COL22A1: variants seen among roughly 807,000 people sequenced by gnomAD.
The protein encoded by COL22A1 is collagen alpha-1(XXII) chain.
Under a neutral mutation model 248.9 loss-of-function variants are expected in COL22A1, and 221 were observed. The ratio of observed to expected loss-of-function variants is 0.89; its 90% CI spans 0.80 to 0.99. The LOEUF (loss-of-function observed/expected upper bound fraction) is 0.99. COL22A1 is among the 50% of genes least tolerant of loss of function. The pLI, the probability that COL22A1 is intolerant of heterozygous loss-of-function variation, is 0.00. For synonymous variants in COL22A1, 891 were observed against 793.4 expected (o/e 1.12, Z -2.07); for missense variants, 2,240 against 2,179.0 (o/e 1.03, Z -0.56).
intron 12 of COL22A1, among the ~76,000 whole-genome samples, chr8:138,785,476 C>T (rs753988626): frequency 6.6e-5 from 10 of 152,326 alleles, no homozygotes; most frequent in Admixed American, 2.6e-4. Context: ...TGAGGGCATG[C>T]GCTAGATAGT....
intron 22 of COL22A1, among the ~76,000 whole-genome samples, chr8:138,750,509 A>C (rs114139056): frequency 1.3e-3 from 196 of 152,254 alleles, no homozygotes; most frequent in African/African-American, 4.6e-3. Context: ...GACGAAGTCA[A>C]TCCACAGCAA....
chr8:138,623,262 ATGTGTGTGTGTGTGTGTGTGTG>A (rs5895542), intron 52 of COL22A1, among the ~76,000 whole-genome samples: 11 of 143,494 alleles, frequency 7.7e-5, no homozygotes, highest in Admixed American at 2.1e-4. Context: ...ATATATATTT[ATGTGTGTGTGTGTGTGTGTGTG>A]TGTGTGTGTG....
intron 17 of COL22A1, among the ~76,000 whole-genome samples, chr8:138,760,621 G>A (rs1017969560): frequency 6.6e-6 from 1 of 152,146 alleles, no homozygotes; most frequent in Admixed American, 6.5e-5. Context: ...ACCTGCCCCG[G>A]CCCAGGGAGC....
chr8:138,590,498 A>G (rs1374129226), intron 64 of COL22A1, among the ~76,000 whole-genome samples: 1 of 152,152 alleles, frequency 6.6e-6, no homozygotes, highest in African/African-American at 2.4e-5. Context: ...TATTCTTAAT[A>G]TTGTAAGCTA....
At chr8:138,681,240 T>C (rs138901268) in intron 39 of COL22A1, among the ~76,000 whole-genome samples, 221 of 152,328 alleles carry the variant, frequency 1.5e-3, no homozygotes, top group East Asian at 3.7e-3. Context: ...ACCGGCACTA[T>C]GCTAGGCAAC....
At chr8:138,761,044 T>C (rs1222160100) in intron 17 of COL22A1, among the ~76,000 whole-genome samples, 1 of 152,134 alleles carries the variant, frequency 6.6e-6, no homozygotes, top group African/African-American at 2.4e-5. Context: ...TAGACATGCG[T>C]TCAAGGATGC....
chr8:138,851,303 T>G (rs2131902285), intron 3 of COL22A1, among the ~76,000 whole-genome samples: 1 of 152,146 alleles, frequency 6.6e-6, no homozygotes, highest in African/African-American at 2.4e-5. Flanking sequence ...TCGCTTATCA[T>G]GAGGGTGAGG....
intron 4 of COL22A1, among the ~76,000 whole-genome samples, chr8:138,837,579 G>C (rs1166420266): frequency 6.6e-6 from 1 of 152,144 alleles, no homozygotes; most frequent in Non-Finnish European, 1.5e-5. Flanking sequence ...GCAGCTGTTG[G>C]AACTGACTGG....
chr8:138,602,008 G>T lies in COL22A1; in HGVS notation c.4185+107C>A, dbSNP rs1818058420. 70 of 1,132,730 alleles carry T rather than the reference G, an allele frequency of 6.2e-5. 1 individual carries two copies. In the South Asian group the frequency reaches 8.7e-4, roughly 14 times the overall value. The allele number at this position is 1,132,730 out of a possible 1,614,324, so 70.2% of individuals were successfully genotyped here. ...AAATCACTACAGGCGGCATGATCCAGGCGGGTGTTTACTAACTGCCTTGGA... is the reference window on the plus strand; with the variant it reads ...AAATCACTACAGGCGGCATGATCCATGCGGGTGTTTACTAACTGCCTTGGA... On this transcript the variant is annotated intron_variant, in intron 60 of 64. Coordinates refer to ENST00000303045, the MANE Select transcript of COL22A1 (RefSeq NM_152888.3).
chr8:138,736,524 C>G (rs997518921), intron 23 of COL22A1, among the ~76,000 whole-genome samples: 2 of 152,020 alleles, frequency 1.3e-5, no homozygotes, highest in Admixed American at 6.6e-5. Context: ...AAGCCCTCTG[C>G]GCCTGGAGCC....
chr8:138,813,094 G>C (rs1415025647), intron 7 of COL22A1, 75 bp from the exon 8 acceptor site: 1 of 1,110,798 alleles, frequency 9.0e-7, no homozygotes, highest in Admixed American at 1.7e-5. Flanking sequence ...TTTCACACAG[G>C]CCCCGTCCTG....
intron 4 of COL22A1, among the ~76,000 whole-genome samples, chr8:138,839,794 T>C (rs1820737680): frequency 6.6e-6 from 1 of 152,236 alleles, no homozygotes; most frequent in Admixed American, 6.5e-5. Context: ...ACATATGCTT[T>C]AAGCATTAAG....
At position 138,744,481 on chromosome 8, in the gene COL22A1, C is replaced by CCACACA. The variant is rs60847304; in HGVS notation, c.2086-6910_2086-6905dup. On this transcript the variant is annotated intron_variant, in intron 22 of 64. Transcript: ENST00000303045. ...ATGCACATGGATACACACACACACA[C>CCACACA]CACACACACACACACACACACACTC... Among the ~76,000 whole-genome samples, 444 of 148,746 alleles carry CCACACA rather than the reference C, an allele frequency of 3.0e-3. 1 individual carries two copies. Among genetic ancestry groups the CCACACA allele is most frequent in the African/African-American group, 0.01 (420 of 40,782 alleles).
At chr8:138,819,394 G>A (rs1249546965) in intron 7 of COL22A1, among the ~76,000 whole-genome samples, 1 of 151,776 alleles carries the variant, frequency 6.6e-6, no homozygotes, top group African/African-American at 2.4e-5. Flanking sequence ...TCACCAAAGG[G>A]GGACGTGGGA....
chr8:138,691,150 G>T (rs1157794583), intron 35 of COL22A1, among the ~76,000 whole-genome samples: 2 of 152,228 alleles, frequency 1.3e-5, no homozygotes, highest in Non-Finnish European at 2.9e-5. Flanking sequence ...GTGTGGAGGA[G>T]CCTGGGTGTG....
intron 12 of COL22A1, among the ~76,000 whole-genome samples, chr8:138,790,210 G>A (rs1815903414): frequency 6.6e-6 from 1 of 152,114 alleles, no homozygotes; most frequent in Non-Finnish European, 1.5e-5. Context: ...CTGCTTTTTG[G>A]TTCATAGATG....
chr8:138,629,557 C>A (rs568360639), intron 50 of COL22A1, among the ~76,000 whole-genome samples: 1 of 152,288 alleles, frequency 6.6e-6, no homozygotes, highest in South Asian at 2.1e-4. Flanking sequence ...TAAACAGAAC[C>A]ATGTGGCTGT....
chr8:138,779,602 C>T, intron 13 of COL22A1, 40 bp from the exon 14 acceptor site: 1 of 1,443,350 alleles, frequency 6.9e-7, no homozygotes, highest in South Asian at 1.1e-5. Context: ...GGCAGTGGGA[C>T]ACAGGCCCAG....
intron 35 of COL22A1, among the ~76,000 whole-genome samples, chr8:138,692,294 GTT>G: frequency 2.0e-4 from 1 of 5,062 alleles, no homozygotes; most frequent in Non-Finnish European, 5.3e-4. Flanking sequence ...ATGTGTGCAT[GTT>G]TGCGGAGGTG....
Sources: gnomAD v4.1 joint callset for allele counts (sites outside exome capture counted in the v4.1 genomes callset) on GRCh38, gnomAD v4.1.1 for gene constraint, MANE v1.5 for transcripts, NCBI Gene and HGNC (gene_info 2026-07-23, HGNC 2026-07-21) for gene names.